The following CNTN6 variants were observed in gnomAD, a reference collection of about 807,000 sequenced individuals.
The protein encoded by CNTN6 is contactin 6.
A neutral mutation model predicts 122.8 loss-of-function variants in CNTN6; 137 were observed. The observed-to-expected ratio is 1.12, with a 90% confidence interval of 0.97 to 1.29. CNTN6 has a LOEUF of 1.29. Among genes scored for constraint, CNTN6 ranks in the 50% most tolerant of loss-of-function variants. The pLI, the probability that CNTN6 is intolerant of heterozygous loss-of-function variation, is 0.00. For synonymous variants in CNTN6, 570 were observed against 426.0 expected (o/e 1.34, Z -4.16); for missense variants, 1,634 against 1,223.4 (o/e 1.34, Z -5.01).
chr3:1,320,866 C>A, intron 7 of CNTN6, among the ~76,000 whole-genome samples: 1 of 151,418 alleles, frequency 6.6e-6, no homozygotes, highest in Admixed American at 6.6e-5. Flanking sequence ...ATTTTTGCTC[C>A]TTTGAAAGAT....
intron 2 of CNTN6, among the ~76,000 whole-genome samples, chr3:1,166,511 A>G (rs1245662610): frequency 6.6e-6 from 1 of 152,222 alleles, no homozygotes; most frequent in Non-Finnish European, 1.5e-5. Context: ...TTTTTTTAAG[A>G]AAATACAAGT....
chr3:1,147,068 A>G (rs1468868756), intron 1 of CNTN6, among the ~76,000 whole-genome samples: 2 of 152,110 alleles, frequency 1.3e-5, no homozygotes, highest in Non-Finnish European at 2.9e-5. Context: ...ATTTAAAAAT[A>G]CATCAAGAAA....
In CNTN6 at chr3:1,385,765, G is replaced by GC. The variant is rs1415730148; in HGVS notation, c.2678dup (p.Val894SerfsTer25). 12 of 1,612,380 alleles carry GC rather than the reference G, an allele frequency of 7.4e-6. No homozygotes were observed. The highest frequency in any genetic ancestry group is 2.2e-5 in the East Asian group (1 of 44,760). On this transcript the variant is annotated frameshift_variant, in exon 20 of 23. Coordinates refer to ENST00000446702, the MANE Select transcript of CNTN6 (RefSeq NM_001289080.2). LOFTEE classifies it high-confidence loss of function. ...AACACTGCTGGGACAGGGCCCTCAA[G>GC]CCCCCCAGTCAATGTTACCACCAAA...
chr3:1,389,960 G>A (rs1021945220), intron 20 of CNTN6, among the ~76,000 whole-genome samples: 3 of 150,266 alleles, frequency 2.0e-5, no homozygotes, highest in African/African-American at 4.9e-5. Flanking sequence ...CATTAATAAT[G>A]GGAGACTTTA....
At chr3:1,116,556 AAGTACTG>A (rs1187605709) in intron 1 of CNTN6, among the ~76,000 whole-genome samples, 1 of 152,146 alleles carries the variant, frequency 6.6e-6, no homozygotes, top group Admixed American at 6.6e-5. Context: ...TTAAGCATGA[AAGTACTG>A]AATATGGAAT....
rs767131725 is a variant in CNTN6 at position 1,383,176 on chromosome 3, G to A, written c.2401G>A (p.Glu801Lys). The A allele has an allele frequency of 3.1e-6, 5 of 1,611,648 alleles. No individual in the cohort carries two copies. In the South Asian group the frequency reaches 4.4e-5, roughly 14 times the overall value. The change falls in exon 18 of 23, where the codon GAA (glutamate) becomes AAA (lysine). Residue 801 changes from glutamate (E) to lysine (K), a missense_variant and splice_region_variant. Physicochemically the swap from Glu to Lys is moderately conservative, Grantham distance 56. Coordinates refer to ENST00000446702, the MANE Select transcript of CNTN6 (RefSeq NM_001289080.2). ...TVTIVYSGED[E>K]PQLAPRGTSL... ...GACCATTGTCTACTCTGGGGAAGATGGTAAGTTGTCCTCAACTCTGGTTTT... is the reference window on the plus strand; with the variant it reads ...GACCATTGTCTACTCTGGGGAAGATAGTAAGTTGTCCTCAACTCTGGTTTT...
Position 1,373,655 on chromosome 3 carries a change from C to G in CNTN6, c.1838C>G (p.Thr613Ser), listed in dbSNP as rs745875129. 21 of 1,612,922 alleles carry G rather than the reference C, an allele frequency of 1.3e-5. No individual in the cohort carries two copies. Among genetic ancestry groups the G allele is most frequent in the Admixed American group, 1.7e-5 (1 of 59,864 alleles). The change falls in exon 15 of 23, where the codon ACT becomes AGT. Residue 613 changes from threonine to serine, a missense_variant. Thr to Ser is a moderately conservative substitution (Grantham distance 58, BLOSUM62 1). Transcript: ENST00000446702. ...DVQVEDISSTTSQLSWRAGPD... is the reference protein window; with the variant it reads ...DVQVEDISSTSSQLSWRAGPD... ...CAAGTGGAAGACATTTCCAGTACTA[C>G]TTCTCAACTAAGTTGGAGAGCAGGC...
chr3:1,142,440 C>G (rs2092629838), intron 1 of CNTN6, among the ~76,000 whole-genome samples: 1 of 152,094 alleles, frequency 6.6e-6, no homozygotes, highest in Non-Finnish European at 1.5e-5. Context: ...AGGACTGCAT[C>G]TTTTTCTACT....
chr3:1,266,900 T>G (rs896532370), intron 4 of CNTN6, among the ~76,000 whole-genome samples: 16 of 151,716 alleles, frequency 1.1e-4, no homozygotes, highest in Non-Finnish European at 2.2e-4. Context: ...CAAGTGAGCT[T>G]CTGGCCAGAC....
chr3:1,161,769 TACACACACAC>T lies in CNTN6; in HGVS notation c.55+13730_55+13739del, dbSNP rs558137459. On this transcript the variant is annotated intron_variant, in intron 2 of 22. Transcript: ENST00000446702. ...TTAGGAATATATATATATATATGTA[TACACACACAC>T]ACACACACACACACACACACACAAA... 3.8e-3 allele frequency among the ~76,000 whole-genome samples: 539 copies of T among 143,106 alleles called. 3 individuals are homozygous for T. The highest frequency in any genetic ancestry group is 0.013 in the African/African-American group (500 of 38,608). 93.9% of individuals were successfully genotyped at this position (143,106 alleles called of 152,430 possible).
intron 2 of CNTN6, among the ~76,000 whole-genome samples, chr3:1,187,079 T>C (rs181923235): frequency 6.6e-6 from 1 of 152,290 alleles, no homozygotes; most frequent in South Asian, 2.1e-4. Flanking sequence ...ACCTATTTTA[T>C]CCACATAGAA....
intron 1 of CNTN6, among the ~76,000 whole-genome samples, chr3:1,097,878 CTA>C (rs1452102513): frequency 6.6e-6 from 1 of 151,888 alleles, no homozygotes; most frequent in Non-Finnish European, 1.5e-5. Flanking sequence ...AATGAAAAGA[CTA>C]AAATTATAAT....
At chr3:1,328,930 C>G (rs933371053) in intron 10 of CNTN6, among the ~76,000 whole-genome samples, 1 of 151,528 alleles carries the variant, frequency 6.6e-6, no homozygotes, top group African/African-American at 2.4e-5. Context: ...GGGGAAAAAA[C>G]CGACATAGTG....
intron 20 of CNTN6, 38 bp downstream of exon 20, chr3:1,385,835 G>T: frequency 6.5e-7 from 1 of 1,529,762 alleles, no homozygotes; most frequent in Non-Finnish European, 8.8e-7. Flanking sequence ...AGATTCATCT[G>T]TGAAGAGCAA....
chr3:1,370,344 A>C (rs1463727842), intron 12 of CNTN6, among the ~76,000 whole-genome samples: 1 of 152,006 alleles, frequency 6.6e-6, no homozygotes, highest in African/African-American at 2.4e-5. Flanking sequence ...ACCGGGGACT[A>C]TTGTGGAGTG....
chr3:1,102,478 C>T (rs1256184374), intron 1 of CNTN6, among the ~76,000 whole-genome samples: 4 of 152,188 alleles, frequency 2.6e-5, no homozygotes, highest in Non-Finnish European at 5.9e-5. Context: ...CGCCTGTAAT[C>T]CCAGCACTTT....
chr3:1,347,956 A>C (rs886240269), intron 11 of CNTN6, among the ~76,000 whole-genome samples: 9 of 151,802 alleles, frequency 5.9e-5, no homozygotes, highest in African/African-American at 2.2e-4. Context: ...GTGATAAAAC[A>C]ATTTCTTCTT....
chr3:1,140,814 C>T (rs2092591518), intron 1 of CNTN6, among the ~76,000 whole-genome samples: 1 of 152,188 alleles, frequency 6.6e-6, no homozygotes, highest in Non-Finnish European at 1.5e-5. Context: ...CTAGGAAAAG[C>T]AGTACTGCTT....
intron 5 of CNTN6, among the ~76,000 whole-genome samples, chr3:1,293,546 T>G (rs566300029): frequency 6.6e-6 from 1 of 152,244 alleles, no homozygotes; most frequent in Admixed American, 6.5e-5. Context: ...ATAATTAGCT[T>G]CTTTTGTCTC....
Sources: allele counts gnomAD v4.1 joint callset (sites outside exome capture counted in the v4.1 genomes callset), GRCh38; gene constraint gnomAD v4.1.1; transcripts MANE v1.5; gene names NCBI Gene and HGNC (gene_info 2026-07-23, HGNC 2026-07-21).